Variants in MAP3K7 observed in about 807,000 individuals in gnomAD.
MAP3K7 encodes TGF-beta activated kinase 1.
MAP3K7 carries 21 observed loss-of-function variants against 84.8 expected under a neutral mutation model. The observed-to-expected ratio is 0.25, with a 90% CI of 0.18 to 0.36. The LOEUF (loss-of-function observed/expected upper bound fraction) is 0.36. MAP3K7 is among the 10% of genes least tolerant of loss of function. MAP3K7 has a pLI of 1.00. For synonymous variants in MAP3K7, 241 were observed against 247.7 expected (o/e 0.97, Z 0.25); for missense variants, 503 against 747.7 (o/e 0.67, Z 3.82).
chr6:90,542,365 A>G lies in MAP3K7; in HGVS notation c.1291+2187T>C, dbSNP rs1562089405. The stretch of plus-strand genomic sequence containing the variant: ...TTAATGTTTGATATCTGAGGGGGGA[A>G]AAGCCTAAAAAGAATATTTAATAAA... On this transcript the variant is annotated intron_variant, in intron 12 of 16. Transcript: ENST00000369329. The G allele has an allele frequency of 4.1e-6, 4 of 983,772 alleles. No individual in the cohort carries two copies. In the African/African-American group the frequency reaches 5.2e-5, roughly 13 times the overall value. The allele number at this position is 983,772 out of a possible 1,614,324, so 60.9% of individuals were successfully genotyped here. A position where few individuals can be genotyped will look rare whatever the true frequency, so the allele number is the denominator to read the frequency against.
intron 13 of MAP3K7, among the ~76,000 whole-genome samples, chr6:90,533,524 A>G (rs1053980786): frequency 1.3e-5 from 2 of 152,184 alleles, no homozygotes; most frequent in Non-Finnish European, 2.9e-5. Flanking sequence ...TTCCACAGGG[A>G]GGGCAGTCCA....
chr6:90,556,022 G>C (rs1462759592), intron 6 of MAP3K7, among the ~76,000 whole-genome samples: 1 of 152,120 alleles, frequency 6.6e-6, no homozygotes, highest in Non-Finnish European at 1.5e-5. Context: ...ATGAAAAAGG[G>C]CTCTGAACAG....
At position 90,547,386 on chromosome 6, in the gene MAP3K7, C is replaced by T. The variant is rs776668005; in HGVS notation, c.1082G>A (p.Ser361Asn). 8 of 1,609,384 alleles carry T rather than the reference C, an allele frequency of 5.0e-6. No homozygotes were observed. Among genetic ancestry groups the T allele is most frequent in the Non-Finnish European group, 6.8e-6 (8 of 1,178,410 alleles). ...TCCCAAGCTTAAACGTCCAGATTCA[C>T]TCTGTTAAAATTACAGGTCAATCTG... Reference protein sequence around the residue: ...KLLKNQAKQQSESGRLSLGAS... With the variant: ...KLLKNQAKQQNESGRLSLGAS... Residue 361 changes from serine to asparagine, a missense_variant and splice_region_variant, in exon 11 of 17, where the codon AGT becomes AAT. By Grantham distance (46) the Ser-to-Asn change is conservative. Transcript: ENST00000369329.
chr6:90,554,435 A>G (rs1776273353), intron 6 of MAP3K7, among the ~76,000 whole-genome samples: 1 of 152,232 alleles, frequency 6.6e-6, no homozygotes, highest in Non-Finnish European at 1.5e-5. Flanking sequence ...TGGTTGAATC[A>G]GCCAGCACAA....
intron 13 of MAP3K7, among the ~76,000 whole-genome samples, chr6:90,525,199 G>C (rs1775280665): frequency 6.6e-6 from 1 of 151,650 alleles, no homozygotes; most frequent in Non-Finnish European, 1.5e-5. Context: ...AAAGTTAAAG[G>C]ATAAAAAAAG....
At chr6:90,517,475 T>G (rs1443755023) in intron 16 of MAP3K7, among the ~76,000 whole-genome samples, 1 of 151,822 alleles carries the variant, frequency 6.6e-6, no homozygotes, top group African/African-American at 2.4e-5. Context: ...AACACCCTAA[T>G]CCACCATTTG....
chr6:90,541,107 C>CAA (rs557043487), intron 12 of MAP3K7, among the ~76,000 whole-genome samples: 1 of 151,516 alleles, frequency 6.6e-6, no homozygotes, highest in Non-Finnish European at 1.5e-5. Flanking sequence ...AGTCCTAGAA[C>CAA]AAAAAAAATC....
chr6:90,557,091 C>T lies in MAP3K7; in HGVS notation c.483-467G>A, dbSNP rs1224954370. Among the ~76,000 whole-genome samples the T allele has an allele frequency of 2.6e-5, 4 of 152,242 alleles. No homozygotes were observed. In the East Asian group the frequency reaches 5.8e-4, roughly 22 times the overall value. ...ATTTAATGTCTTTATTTTGAAGATA[C>T]TTCTAAAAATGTTCAATCCCAAAAC... On this transcript the variant is annotated intron_variant, in intron 5 of 16. Transcript: ENST00000369329.
At chr6:90,522,164 T>A (rs34096973) in intron 14 of MAP3K7, among the ~76,000 whole-genome samples, 126 of 152,258 alleles carry the variant, frequency 8.3e-4, no homozygotes, top group African/African-American at 2.7e-3. Context: ...CAGCTGATAT[T>A]GCAAATTATT....
intron 3 of MAP3K7, among the ~76,000 whole-genome samples, chr6:90,563,630 A>G (rs948530856): frequency 6.6e-6 from 1 of 152,248 alleles, no homozygotes; most frequent in Non-Finnish European, 1.5e-5. Flanking sequence ...AATGGAACCA[A>G]GTTGGAAAAC....
intron 16 of MAP3K7, among the ~76,000 whole-genome samples, chr6:90,517,322 A>C (rs1197571625): frequency 6.6e-5 from 10 of 151,988 alleles, no homozygotes; most frequent in Middle Eastern, 3.4e-3. Context: ...ATTCCCGAAA[A>C]AGATGCATCT....
intron 5 of MAP3K7, among the ~76,000 whole-genome samples, chr6:90,558,251 G>A (rs963894432): frequency 2.0e-5 from 3 of 152,144 alleles, no homozygotes; most frequent in Non-Finnish European, 2.9e-5. Context: ...GAACCCGGGA[G>A]GTGGAGGTTG....
chr6:90,582,410 A>G (rs1305814200), intron 1 of MAP3K7, among the ~76,000 whole-genome samples: 1 of 152,234 alleles, frequency 6.6e-6, no homozygotes, highest in African/African-American at 2.4e-5. Context: ...TTGGGGTTAC[A>G]AAAGTGAATA....
At position 90,587,041 on chromosome 6, in the gene MAP3K7, T is replaced by C. The variant is rs1777489877; in HGVS notation, c.-158A>G. The C allele has an allele frequency of 3.6e-6, 3 of 825,280 alleles. No individual in the cohort carries two copies. The highest frequency in any genetic ancestry group is 4.6e-5 in the South Asian group (2 of 43,834). 51.1% of individuals were successfully genotyped at this position (825,280 alleles called of 1,614,324 possible). A position where few individuals can be genotyped will look rare whatever the true frequency, so the allele number is the denominator to read the frequency against. On this transcript the variant is annotated 5_prime_UTR_variant, in exon 1 of 17. Transcript: ENST00000369329. ...GGGGTAGAGGCAGCGGCCACAGCCGTGTCCGGCTCTGGCTCCGCTGCGTTT... is the reference window on the plus strand; with the variant it reads ...GGGGTAGAGGCAGCGGCCACAGCCGCGTCCGGCTCTGGCTCCGCTGCGTTT...
At chr6:90,540,350 T>G (rs529055815) in intron 12 of MAP3K7, among the ~76,000 whole-genome samples, 1 of 151,882 alleles carries the variant, frequency 6.6e-6, no homozygotes, top group Non-Finnish European at 1.5e-5. Context: ...TGTTCATCTA[T>G]AGAATGGATG....
At chr6:90,578,027 T>C (rs1190320242) in intron 1 of MAP3K7, among the ~76,000 whole-genome samples, 2 of 152,162 alleles carry the variant, frequency 1.3e-5, no homozygotes, top group South Asian at 2.1e-4. Context: ...AAAATCCTTA[T>C]GGGGGAAGAC....
At chr6:90,517,178 A>G (rs1349191514) in intron 16 of MAP3K7, among the ~76,000 whole-genome samples, 1 of 151,880 alleles carries the variant, frequency 6.6e-6, no homozygotes, top group African/African-American at 2.4e-5. Context: ...TTCCCATTTT[A>G]AAGCAGTGAG....
At chr6:90,556,351 C>A in intron 6 of MAP3K7, 149 bp downstream of exon 6, 1 of 715,496 alleles carries the variant, frequency 1.4e-6, no homozygotes, top group Non-Finnish European at 2.1e-6. Flanking sequence ...TAGGATATAA[C>A]ACTATATTTA....
At chr6:90,556,455 G>C in intron 6 of MAP3K7, 45 bp downstream of exon 6, 2 of 1,578,612 alleles carry the variant, frequency 1.3e-6, no homozygotes, top group Non-Finnish European at 1.7e-6. Context: ...GAATTCACAA[G>C]GAGTGAGGGA....
Sources: allele counts gnomAD v4.1 joint callset (sites outside exome capture counted in the v4.1 genomes callset), GRCh38; gene constraint gnomAD v4.1.1; transcripts MANE v1.5; gene names NCBI Gene and HGNC (gene_info 2026-07-23, HGNC 2026-07-21).